Variants in NKAIN3 observed in about 807,000 individuals in gnomAD.
NKAIN3 encodes the protein sodium/potassium transporting ATPase interacting 3, also known as sodium/potassium-transporting ATPase subunit beta-1-interacting protein 3.
In NKAIN3, 25 loss-of-function variants were observed where a neutral mutation model predicts 30.2. The observed-to-expected ratio is 0.83, with a 90% CI of 0.60 to 1.16. NKAIN3 has a LOEUF of 1.16. Ranked by LOEUF, NKAIN3 falls within the 50% of genes most tolerant of loss-of-function variation. The pLI is 0.00. For missense variants in NKAIN3, 225 were observed against 254.1 expected, an observed-to-expected ratio of 0.89 and a Z score of 0.78; for synonymous variants, 91 against 89.6, an observed-to-expected ratio of 1.02 and a Z score of -0.09.
At chr8:62,493,481 TG>T (rs1807137659) in intron 1 of NKAIN3, among the ~76,000 whole-genome samples, 1 of 152,148 alleles carries the variant, frequency 6.6e-6, no homozygotes, top group South Asian at 2.1e-4. Context: ...TTGTTCTTTT[TG>T]GTTAGAATTG....
intron 1 of NKAIN3, among the ~76,000 whole-genome samples, chr8:62,277,085 A>G (rs1288090495): frequency 3.3e-5 from 5 of 152,174 alleles, no homozygotes; most frequent in Admixed American, 3.3e-4. Context: ...ATGCATATGG[A>G]AAGCGTTTTT....
At chr8:62,348,770 C>CT (rs1441985170) in intron 1 of NKAIN3, among the ~76,000 whole-genome samples, 1 of 152,124 alleles carries the variant, frequency 6.6e-6, no homozygotes, top group East Asian at 1.9e-4. Flanking sequence ...ATTGGAGATA[C>CT]TAGTTTGGAA....
At chr8:62,545,052 T>G (rs1221241063) in intron 1 of NKAIN3, among the ~76,000 whole-genome samples, 1 of 152,150 alleles carries the variant, frequency 6.6e-6, no homozygotes, top group African/African-American at 2.4e-5. Flanking sequence ...GAGGAGTTGG[T>G]CTGGCTGTCT....
intron 1 of NKAIN3, among the ~76,000 whole-genome samples, chr8:62,319,966 TA>T (rs1467771937): frequency 2.0e-5 from 3 of 152,166 alleles, no homozygotes; most frequent in African/African-American, 7.2e-5. Context: ...TGTGGTAGTC[TA>T]AGTCTCTTTG....
At chr8:62,409,831 C>T (rs550553504) in intron 1 of NKAIN3, among the ~76,000 whole-genome samples, 5 of 151,600 alleles carry the variant, frequency 3.3e-5, no homozygotes, top group African/African-American at 9.7e-5. Flanking sequence ...ATATTGTGCT[C>T]ATATAGTTTA....
chr8:62,903,539 G>A (rs759509960), intron 4 of NKAIN3, among the ~76,000 whole-genome samples: 5 of 151,984 alleles, frequency 3.3e-5, no homozygotes, highest in East Asian at 1.9e-4. Flanking sequence ...AGGCCCTCTC[G>A]GGAGCCATAG....
intron 3 of NKAIN3, among the ~76,000 whole-genome samples, chr8:62,674,689 AG>A (rs1364232019): frequency 5.9e-5 from 9 of 152,346 alleles, no homozygotes; most frequent in Admixed American, 4.6e-4. Flanking sequence ...AGCTAGTACC[AG>A]GTGGACAATC....
intron 1 of NKAIN3, among the ~76,000 whole-genome samples, chr8:62,378,380 C>G (rs1225927387): frequency 6.6e-6 from 1 of 152,152 alleles, no homozygotes. Flanking sequence ...AAATTCAAGC[C>G]AGCTGCAGAA....
intron 1 of NKAIN3, among the ~76,000 whole-genome samples, chr8:62,577,748 T>C (rs1810162015): frequency 6.6e-6 from 1 of 151,788 alleles, no homozygotes; most frequent in Non-Finnish European, 1.5e-5. Context: ...CTCTGATATT[T>C]TGCGTTTTAG....
intron 4 of NKAIN3, among the ~76,000 whole-genome samples, chr8:62,782,242 ATGCCAAT>A (rs1817375466): frequency 6.6e-6 from 1 of 152,144 alleles, no homozygotes; most frequent in Non-Finnish European, 1.5e-5. Flanking sequence ...TCCAGTTAGA[ATGCCAAT>A]TACTAAAAAG....
chr8:62,759,185 C>T (rs919004278), intron 4 of NKAIN3, among the ~76,000 whole-genome samples: 1 of 152,058 alleles, frequency 6.6e-6, no homozygotes, highest in African/African-American at 2.4e-5. Flanking sequence ...TTGGTGAAAA[C>T]TTATTTAATA....
chr8:62,918,142 T>C (rs1363381176), intron 4 of NKAIN3, among the ~76,000 whole-genome samples: 1 of 152,194 alleles, frequency 6.6e-6, no homozygotes, highest in Non-Finnish European at 1.5e-5. Context: ...AAATCAAAAC[T>C]TTAAAATGGA....
chr8:62,502,334 A>G (rs1455696007), intron 1 of NKAIN3, among the ~76,000 whole-genome samples: 3 of 152,146 alleles, frequency 2.0e-5, no homozygotes, highest in East Asian at 3.9e-4. Flanking sequence ...CAACTCCACT[A>G]TCTTGTTTCT....
At chr8:62,945,148 T>A (rs1276843458) in intron 5 of NKAIN3, among the ~76,000 whole-genome samples, 2 of 152,192 alleles carry the variant, frequency 1.3e-5, no homozygotes, top group East Asian at 3.9e-4. Flanking sequence ...GGGAGTCTGA[T>A]AACAAATGAA....
chr8:62,704,569 C>A (rs1244924543), intron 3 of NKAIN3, among the ~76,000 whole-genome samples: 1 of 152,120 alleles, frequency 6.6e-6, no homozygotes, highest in Non-Finnish European at 1.5e-5. Context: ...TGCTCAAAAG[C>A]TCTTAATACG....
intron 1 of NKAIN3, among the ~76,000 whole-genome samples, chr8:62,471,392 C>T (rs1439036064): frequency 6.6e-6 from 1 of 151,544 alleles, no homozygotes; most frequent in African/African-American, 2.4e-5. Flanking sequence ...CTGTATTTTT[C>T]CTATACTCTT....
chr8:62,453,587 T>A (rs72651512), intron 1 of NKAIN3, among the ~76,000 whole-genome samples: 4,000 of 152,138 alleles, frequency 0.026, 73 homozygotes, highest in Non-Finnish European at 0.041. Context: ...AGTGAATTCA[T>A]GAGCTGGCTA....
chr8:62,798,067 A>G (rs1241346495), intron 4 of NKAIN3, among the ~76,000 whole-genome samples: 1 of 152,190 alleles, frequency 6.6e-6, no homozygotes, highest in Non-Finnish European at 1.5e-5. Context: ...ACTGAGACAC[A>G]TGAAGAAGTT....
At chr8:62,700,940 C>T (rs1008757133) in intron 3 of NKAIN3, among the ~76,000 whole-genome samples, 1 of 152,150 alleles carries the variant, frequency 6.6e-6, no homozygotes, top group Non-Finnish European at 1.5e-5. Flanking sequence ...TGGCCAGAAA[C>T]AAATTATTTC....
Sources: gnomAD v4.1 joint callset for allele counts (sites outside exome capture counted in the v4.1 genomes callset) on GRCh38, gnomAD v4.1.1 for gene constraint, MANE v1.5 for transcripts, NCBI Gene and HGNC (gene_info 2026-07-23, HGNC 2026-07-21) for gene names.